CNTFR: variants seen among roughly 807,000 people sequenced by gnomAD.
CNTFR encodes the protein ciliary neurotrophic factor receptor, also known as ciliary neurotrophic factor receptor subunit alpha.
Under a neutral mutation model 40.4 loss-of-function variants are expected in CNTFR, and 12 were observed. That is an observed-to-expected ratio of 0.30 (90% CI 0.19 to 0.48). The LOEUF (loss-of-function observed/expected upper bound fraction) is 0.48, where lower values mean the gene tolerates loss of function less well. Ranked by LOEUF, CNTFR falls within the 20% of genes least tolerant of loss-of-function variation. CNTFR has a pLI of 0.99. For synonymous variants in CNTFR, 202 were observed against 209.6 expected, an observed-to-expected ratio of 0.96 and a Z score of 0.31; for missense variants, 414 against 506.8, an observed-to-expected ratio of 0.82 and a Z score of 1.76.
chr9:34,580,725 CTTT>C (rs58239660), intron 2 of CNTFR, among the ~76,000 whole-genome samples: 18 of 152,164 alleles, frequency 1.2e-4, no homozygotes, highest in African/African-American at 4.3e-4. Flanking sequence ...GCCATCCCAT[CTTT>C]TTAAAGCCTA....
chr9:34,559,414 G>A (rs553283512), intron 4 of CNTFR, among the ~76,000 whole-genome samples: 30 of 152,324 alleles, frequency 2.0e-4, no homozygotes, highest in Middle Eastern at 3.4e-3. Flanking sequence ...TGCTGTGGGC[G>A]GAGGCAGCTC....
chr9:34,561,952 C>T (rs948160602), intron 4 of CNTFR, among the ~76,000 whole-genome samples: 3 of 152,226 alleles, frequency 2.0e-5, no homozygotes, highest in Admixed American at 6.5e-5. Flanking sequence ...GCAGTGAGCA[C>T]TCTATATAAA....
rs1050542806 is a variant in CNTFR, at chr9:34,557,106, G to T, written c.604+420C>A. On this transcript the variant is annotated intron_variant, in intron 6 of 9. Transcript: ENST00000378980. This position sits in a 1 kb window ranked among gnomAD's most constrained non-coding sequence, Gnocchi z 4.2. ...TAGAGGGTCTGGCTGGGATGGGGGG[G>T]GTCAGGGGGAGGGCAGTATCTGTCC... 6.6e-6 allele frequency among the ~76,000 whole-genome samples: 1 copy of T among 151,010 alleles called. No homozygotes were observed. Among genetic ancestry groups the T allele is most frequent in the Admixed American group, 6.6e-5 (1 of 15,164 alleles).
intron 2 of CNTFR, chr9:34,569,985 T>C (rs1037897158): frequency 6.6e-6 from 1 of 151,990 alleles, no homozygotes; most frequent in Non-Finnish European, 1.5e-5. Context: ...ACACCTACAC[T>C]TGATGGCAGG....
intron 2 of CNTFR, among the ~76,000 whole-genome samples, chr9:34,578,604 G>C (rs1827117699): frequency 6.6e-6 from 1 of 152,212 alleles, no homozygotes; most frequent in Non-Finnish European, 1.5e-5. Context: ...CCTCCTCCCG[G>C]GGTGACCGCC....
intron 7 of CNTFR, among the ~76,000 whole-genome samples, chr9:34,553,939 G>A (rs1380080524): frequency 6.6e-6 from 1 of 152,098 alleles, no homozygotes; most frequent in Non-Finnish European, 1.5e-5. Context: ...CTGGGGTCTG[G>A]GCTATCTGAC....
At chr9:34,564,297 T>C (rs1321741327) in intron 4 of CNTFR, among the ~76,000 whole-genome samples, 2 of 152,164 alleles carry the variant, frequency 1.3e-5, no homozygotes, top group Admixed American at 1.3e-4. Context: ...CCCACTCATG[T>C]CCCAGGTGAG....
chr9:34,589,318 C>T lies in CNTFR; in HGVS notation c.-112+237G>A, dbSNP rs1411300708. Reference sequence around the variant, plus strand: ...GAGCCACCTCCCTCTAGTCCACAGTCGGCCCCACCACCACCACCACGCCCA... The same window carrying T: ...GAGCCACCTCCCTCTAGTCCACAGTTGGCCCCACCACCACCACCACGCCCA... On this transcript the variant is annotated intron_variant, in intron 1 of 9. Coordinates refer to ENST00000378980, the MANE Select transcript of CNTFR (RefSeq NM_147164.3). This position sits in a 1 kb window ranked among gnomAD's most constrained non-coding sequence, Gnocchi z 4.4. 6.6e-6 allele frequency among the ~76,000 whole-genome samples: 1 copy of T among 152,128 alleles called. No homozygotes were observed. Among genetic ancestry groups the T allele is most frequent in the Non-Finnish European group, 1.5e-5 (1 of 68,000 alleles).
chr9:34,565,691 T>C (rs1268765564), intron 3 of CNTFR, among the ~76,000 whole-genome samples: 1 of 152,000 alleles, frequency 6.6e-6, no homozygotes, highest in African/African-American at 2.4e-5. Context: ...CCAGGCGTGA[T>C]GGACAGAGCC....
At chr9:34,574,207 A>C (rs947024008) in intron 2 of CNTFR, among the ~76,000 whole-genome samples, 22 of 152,156 alleles carry the variant, frequency 1.4e-4, no homozygotes, top group African/African-American at 5.1e-4. Flanking sequence ...CTCACCAGGG[A>C]AGGGCGGGCC....
rs1564055908 is a variant in CNTFR, at chr9:34,552,958, G to A, written c.769-104C>T. ...TGCCTCTGAGGAGAGGAGAGTAAAGGGCTCTGGGGGCAGTGAGGACTTCCC... is the reference window on the plus strand; with the variant it reads ...TGCCTCTGAGGAGAGGAGAGTAAAGAGCTCTGGGGGCAGTGAGGACTTCCC... On this transcript the variant is annotated intron_variant, in intron 7 of 9. Transcript: ENST00000378980. The surrounding 1 kb of genome is among the most constrained non-coding windows in gnomAD (Gnocchi z 5.1). 4 of 1,090,802 alleles carry A rather than the reference G, an allele frequency of 3.7e-6. No homozygotes were observed. The highest frequency in any genetic ancestry group is 5.3e-6 in the Non-Finnish European group (4 of 750,254). The allele number at this position is 1,090,802 out of a possible 1,614,324, so 67.6% of individuals were successfully genotyped here.
At chr9:34,561,071 C>A (rs1397503350) in intron 4 of CNTFR, among the ~76,000 whole-genome samples, 1 of 152,104 alleles carries the variant, frequency 6.6e-6, no homozygotes, top group Non-Finnish European at 1.5e-5. Flanking sequence ...CCTACCCACG[C>A]CCCACCCACA....
At chr9:34,565,502 G>A (rs1372309702) in intron 3 of CNTFR, among the ~76,000 whole-genome samples, 1 of 152,132 alleles carries the variant, frequency 6.6e-6, no homozygotes, top group Non-Finnish European at 1.5e-5. Flanking sequence ...GGGCAGCAGG[G>A]AACCCTAGGG....
intron 2 of CNTFR, among the ~76,000 whole-genome samples, chr9:34,575,114 G>A (rs1826888496): frequency 6.6e-6 from 1 of 152,218 alleles, no homozygotes; most frequent in Admixed American, 6.5e-5. Flanking sequence ...CCTCTTGAAT[G>A]GAGAGGAGGA....
At chr9:34,574,626 T>G (rs1206700365) in intron 2 of CNTFR, among the ~76,000 whole-genome samples, 2 of 152,310 alleles carry the variant, frequency 1.3e-5, no homozygotes, top group African/African-American at 4.8e-5. Context: ...CGACGCTGGC[T>G]GAGGCTGTGG....
rs760643734 is a variant in CNTFR at position 34,552,053 on chromosome 9, C to T, written c.*18G>A. 8 of 1,402,180 alleles carry T rather than the reference C, an allele frequency of 5.7e-6. No homozygotes were observed. In the African/African-American group the frequency reaches 7.0e-5, roughly 12 times the overall value. The allele number at this position is 1,402,180 out of a possible 1,614,324, so 86.9% of individuals were successfully genotyped here. ...GCTCCTCTGCAGGTGCTCTGCATGT[C>T]CTCATGGGGTGCCGGGCTCTGTAGA... is the stretch of plus-strand genomic sequence containing the variant. On this transcript the variant is annotated 3_prime_UTR_variant, in exon 10 of 10. Transcript: ENST00000378980. The surrounding 1 kb of genome is among the most constrained non-coding windows in gnomAD (Gnocchi z 5.1).
At chr9:34,574,641 G>A (rs796316437) in intron 2 of CNTFR, among the ~76,000 whole-genome samples, 27 of 152,376 alleles carry the variant, frequency 1.8e-4, no homozygotes, top group African/African-American at 6.5e-4. Context: ...CTGTGGAAAA[G>A]GAGGCGGCCC....
Position 34,552,356 on chromosome 9 carries a change from C to CA in CNTFR, c.950-28dup, listed in dbSNP as rs1422906835. On this transcript the variant is annotated intron_variant, in intron 8 of 9. Coordinates refer to ENST00000378980, the MANE Select transcript of CNTFR (RefSeq NM_147164.3). The surrounding 1 kb of genome is among the most constrained non-coding windows in gnomAD (Gnocchi z 5.1). ...TGGGGAACATGGGGGAAACTCAGGG[C>CA]AAGGCCAGGGCTGGGTCCCATCCAG... The CA allele has an allele frequency of 6.5e-7, 1 of 1,528,154 alleles. No homozygotes were observed. Among genetic ancestry groups the CA allele is most frequent in the Non-Finnish European group, 8.8e-7 (1 of 1,142,366 alleles). 94.7% of individuals were successfully genotyped at this position (1,528,154 alleles called of 1,614,324 possible). A position where few individuals can be genotyped will look rare whatever the true frequency, so the allele number is the denominator to read the frequency against.
In CNTFR at chr9:34,589,385, C is replaced by G. The variant is rs967733046; in HGVS notation, c.-112+170G>C. ...GACGTGGGGGGCCGCTCCTCCAGCG[C>G]CCCCGCCCCCGAGTTTGCAGGCAAA... On this transcript the variant is annotated intron_variant, in intron 1 of 9. Coordinates refer to ENST00000378980, the MANE Select transcript of CNTFR (RefSeq NM_147164.3). This position sits in a 1 kb window ranked among gnomAD's most constrained non-coding sequence, Gnocchi z 4.4. Among the ~76,000 whole-genome samples the G allele has an allele frequency of 2.0e-5, 3 of 152,010 alleles. No homozygotes were observed. The highest frequency in any genetic ancestry group is 7.2e-5 in the African/African-American group (3 of 41,406).
Sources: gnomAD v4.1 joint callset for allele counts (sites outside exome capture counted in the v4.1 genomes callset) on GRCh38, gnomAD v4.1.1 for gene constraint, Gnocchi (gnomAD v3.1) non-coding constraint, MANE v1.5 for transcripts, NCBI Gene and HGNC (gene_info 2026-07-23, HGNC 2026-07-21) for gene names.